The following FMR1NB variants were observed in gnomAD, a reference collection of about 807,000 sequenced individuals.
FMR1NB encodes FMR1 neighbor.
In FMR1NB, 10 loss-of-function variants were observed where a neutral mutation model predicts 16.8. That is an observed-to-expected ratio of 0.60 (90% confidence interval 0.37 to 1.01). The LOEUF (loss-of-function observed/expected upper bound fraction) is 1.01, where lower values mean the gene tolerates loss of function less well. Ranked by LOEUF, FMR1NB falls within the 50% of genes least tolerant of loss-of-function variation. The pLI is 0.01. For synonymous variants in FMR1NB, 83 were observed against 79.1 expected (o/e 1.05, Z -0.26); for missense variants, 205 against 204.8 (o/e 1.00, Z 0.00).
At chrX:148,024,801 C>A in intron 4 of FMR1NB, 64 bp from the exon 5 acceptor site, 2 of 1,146,810 alleles carry the variant, frequency 1.7e-6, no homozygotes, top group Non-Finnish European at 2.3e-6. Flanking sequence ...TTCCTTATAA[C>A]CCTCCCATTG....
At chrX:147,999,553 A>T in intron 1 of FMR1NB, among the ~76,000 whole-genome samples, 1 of 109,926 alleles carries the variant, frequency 9.1e-6, no homozygotes, top group East Asian at 2.9e-4. Context: ...TTTCCACTTA[A>T]ATATCATCTC....
At chrX:147,987,709 T>C (rs2044483875) in intron 1 of FMR1NB, among the ~76,000 whole-genome samples, 1 of 112,018 alleles carries the variant, frequency 8.9e-6, no homozygotes, top group African/African-American at 3.2e-5. Context: ...TTTATGAATC[T>C]GAGTGCTCCT....
At chrX:148,015,830 A>G (rs1372438167) in intron 4 of FMR1NB, among the ~76,000 whole-genome samples, 1 of 112,287 alleles carries the variant, frequency 8.9e-6, no homozygotes, top group African/African-American at 3.2e-5. Context: ...TATTTGGTGT[A>G]CAGTGCAGAT....
intron 2 of FMR1NB, among the ~76,000 whole-genome samples, chrX:148,005,124 G>A (rs2044589762): frequency 1.8e-5 from 2 of 112,155 alleles, no homozygotes; most frequent in Non-Finnish European, 1.9e-5. Flanking sequence ...TCTTGACCTC[G>A]TGATCCGCCC....
At chrX:148,010,249 A>C (rs185547174) in intron 4 of FMR1NB, among the ~76,000 whole-genome samples, 1 of 112,423 alleles carries the variant, frequency 8.9e-6, no homozygotes, top group Admixed American at 9.4e-5. Context: ...TGTTTTATTT[A>C]TTTATTTTAC....
chrX:148,001,824 C>T (rs2124619386), intron 1 of FMR1NB, among the ~76,000 whole-genome samples: 1 of 110,618 alleles, frequency 9.0e-6, no homozygotes, highest in South Asian at 3.8e-4. Flanking sequence ...GTTGGTGGAA[C>T]AGAATAGAAA....
chrX:147,981,702 C>A, intron 1 of FMR1NB, 23 bp downstream of exon 1: 2 of 676,132 alleles, frequency 3.0e-6, no homozygotes, highest in Non-Finnish European at 3.6e-6. Flanking sequence ...TCAGGCCAGG[C>A]AGGGAAATGC....
chrX:148,009,911 A>T (rs1304323335), intron 4 of FMR1NB, among the ~76,000 whole-genome samples: 4 of 112,008 alleles, frequency 3.6e-5, no homozygotes, highest in African/African-American at 1.3e-4. Context: ...TTCTCTTCAA[A>T]GGTTGATTTT....
intron 4 of FMR1NB, among the ~76,000 whole-genome samples, chrX:148,024,158 T>A (rs941395923): frequency 3.6e-5 from 4 of 111,607 alleles, no homozygotes; most frequent in Admixed American, 9.5e-5. Flanking sequence ...TACTTTAGAG[T>A]CAAACAGACC....
At chrX:148,008,434 T>C (rs897667884) in intron 3 of FMR1NB, among the ~76,000 whole-genome samples, 184 bp from the exon 4 acceptor site, 9 of 112,182 alleles carry the variant, frequency 8.0e-5, no homozygotes, top group African/African-American at 2.9e-4. Flanking sequence ...TCAGTTGTAT[T>C]TCAAGAACAT....
intron 5 of FMR1NB, among the ~76,000 whole-genome samples, chrX:148,025,415 A>G (rs1231214418): frequency 1.8e-5 from 2 of 111,325 alleles, no homozygotes; most frequent in Non-Finnish European, 3.8e-5. Context: ...ATGAGATTGA[A>G]TCCTGGATCT....
chrX:147,983,075 C>A (rs1287334148), intron 1 of FMR1NB, among the ~76,000 whole-genome samples: 7 of 112,008 alleles, frequency 6.2e-5, no homozygotes, highest in African/African-American at 2.3e-4. Flanking sequence ...CCCAATTCCC[C>A]AGTCCATAAG....
chrX:148,026,076 G>A (rs1336611708), intron 5 of FMR1NB: 1 of 110,620 alleles, frequency 9.0e-6, no homozygotes, highest in Non-Finnish European at 1.9e-5. Flanking sequence ...TTTACTTAAG[G>A]TAACACATAA....
At chrX:148,020,232 A>T (rs1385600589) in intron 4 of FMR1NB, among the ~76,000 whole-genome samples, 1 of 111,461 alleles carries the variant, frequency 9.0e-6, no homozygotes, top group East Asian at 2.8e-4. Flanking sequence ...TTAAAGCCCA[A>T]GGGCTCTTCT....
intron 2 of FMR1NB, among the ~76,000 whole-genome samples, chrX:148,006,459 T>G (rs1329960499): frequency 8.9e-6 from 1 of 112,474 alleles, no homozygotes; most frequent in African/African-American, 3.2e-5. Flanking sequence ...CCTTTTAAAC[T>G]ATCTTACCAA....
In FMR1NB at chrX:148,003,192, C is replaced by G; in HGVS notation, c.278-9C>G. On this transcript the variant is annotated splice_polypyrimidine_tract_variant and intron_variant, in intron 1 of 5. Transcript: ENST00000370467. ...TATGTTGGGATTAATAATTTTACTT[C>G]TTCTTAAGGGTCCTCATATTTTGTG... is the stretch of plus-strand genomic sequence containing the variant. The G allele has an allele frequency of 8.3e-7, 1 of 1,202,391 alleles. No individual in the cohort carries two copies. The highest frequency in any genetic ancestry group is 1.1e-6 in the Non-Finnish European group (1 of 890,110).
At chrX:148,016,484 G>A (rs1213848951) in intron 4 of FMR1NB, among the ~76,000 whole-genome samples, 1 of 111,223 alleles carries the variant, frequency 9.0e-6, no homozygotes, top group Non-Finnish European at 1.9e-5. Context: ...ACTTACTTCT[G>A]CCATTTTGTT....
chrX:147,994,987 A>C lies in FMR1NB; in HGVS notation c.278-8214A>C, dbSNP rs373264510. ...GATAAGGTCTTCATAGAGATAATCA[A>C]GTTAAAATGAGGTCATCTGAAGTGT... On this transcript the variant is annotated intron_variant, in intron 1 of 5. Transcript: ENST00000370467. Among the ~76,000 whole-genome samples the C allele has an allele frequency of 7.1e-5, 8 of 112,091 alleles. No individual in the cohort carries two copies. The East Asian group carries it at 2.2e-3, about 31-fold the overall frequency.
intron 1 of FMR1NB, among the ~76,000 whole-genome samples, chrX:147,982,306 G>A (rs1557186676): frequency 4.0e-4 from 1 of 2,503 alleles, no homozygotes; most frequent in African/African-American, 1.9e-3. Flanking sequence ...AAAAAAAAAA[G>A]GACTGGGCGC....
Sources: gnomAD v4.1 joint callset for allele counts (sites outside exome capture counted in the v4.1 genomes callset) on GRCh38, gnomAD v4.1.1 for gene constraint, MANE v1.5 for transcripts, NCBI Gene and HGNC (gene_info 2026-07-23, HGNC 2026-07-21) for gene names.